RBPMS: variants seen among roughly 807,000 people sequenced by gnomAD.
RBPMS encodes the protein RNA binding protein, mRNA processing factor.
A neutral mutation model predicts 26.8 loss-of-function variants in RBPMS; 7 were observed. The observed-to-expected ratio is 0.26, with a 90% CI of 0.15 to 0.49. The LOEUF is 0.49. Ranked by LOEUF, RBPMS falls within the 20% of genes least tolerant of loss-of-function variation. RBPMS has a pLI of 0.98. For missense variants in RBPMS, 186 were observed against 250.0 expected (o/e 0.74, Z 1.73); for synonymous variants, 96 against 93.3 (o/e 1.03, Z -0.17).
Position 30,385,052 on chromosome 8 carries a change from C to A in RBPMS, c.-41C>A. The A allele has an allele frequency of 6.8e-7, 1 of 1,462,998 alleles. No individual in the cohort carries two copies. The highest frequency in any genetic ancestry group is 9.1e-7 in the Non-Finnish European group (1 of 1,099,582). The allele number at this position is 1,462,998 out of a possible 1,614,324, so 90.6% of individuals were successfully genotyped here. ...GCTAGCGCGCCCTCGCCCAGCCCCG[C>A]GCCCCAGCCCTGCCCGGCCCGGCGA... is the stretch of plus-strand genomic sequence containing the variant. On this transcript the variant is annotated 5_prime_UTR_variant, in exon 1 of 9. Transcript: ENST00000397323.
intron 4 of RBPMS, among the ~76,000 whole-genome samples, chr8:30,500,694 G>A (rs1192848564): frequency 2.0e-5 from 3 of 152,082 alleles, no homozygotes; most frequent in Non-Finnish European, 4.4e-5. Context: ...TCTCTATATA[G>A]GCTCAAGGTT....
intron 1 of RBPMS, among the ~76,000 whole-genome samples, chr8:30,445,649 G>GATAGATATATAT (rs1813650088): frequency 9.3e-6 from 1 of 107,368 alleles, no homozygotes; most frequent in African/African-American, 3.9e-5. Context: ...TATACACACG[G>GATAGATATATAT]ATATATATAT....
intron 6 of RBPMS, chr8:30,555,928 C>G (rs946259849): frequency 1.0e-6 from 1 of 984,188 alleles, no homozygotes; most frequent in African/African-American, 1.7e-5. Context: ...GGCCGGCTGC[C>G]CGAACTCTGC....
intron 5 of RBPMS, among the ~76,000 whole-genome samples, chr8:30,542,692 G>A: frequency 6.6e-6 from 1 of 152,208 alleles, no homozygotes; most frequent in East Asian, 1.9e-4. Flanking sequence ...ATAATAGTTT[G>A]GCATTCCTGA....
rs367995845 is a variant in RBPMS at position 30,440,502 on chromosome 8, C to T, written c.67-34277C>T. 2.5e-3 allele frequency among the ~76,000 whole-genome samples: 388 copies of T among 152,302 alleles called. 3 individuals carry two copies. The highest frequency in any genetic ancestry group is 9.3e-3 in the African/African-American group (385 of 41,570). ...TAATGTACTCAAAATTCATCCATGT[C>T]GTAGCGTGTGCCAGAATTTCCTTCC... On this transcript the variant is annotated intron_variant, in intron 1 of 8. Coordinates refer to ENST00000397323, the MANE Select transcript of RBPMS (RefSeq NM_001008710.3).
intron 5 of RBPMS, among the ~76,000 whole-genome samples, chr8:30,519,194 G>A (rs1027074316): frequency 2.6e-5 from 4 of 151,970 alleles, no homozygotes; most frequent in African/African-American, 9.7e-5. Context: ...TGCTTGGAGG[G>A]TATGTGTCTA....
rs1453680925 is a variant in RBPMS at position 30,504,378 on chromosome 8, T to A, written c.339T>A (p.Thr113=). The A allele has an allele frequency of 6.2e-7, 1 of 1,614,206 alleles. No individual in the cohort carries two copies. Among genetic ancestry groups the A allele is most frequent in the Admixed American group, 1.7e-5 (1 of 60,024 alleles). ...TKMAKNKLVG[T]PNPSTPLPNT... is the part of the protein sequence containing the mutation. ...TGGCCAAGAACAAACTCGTAGGGAC[T>A]CCAAACCCCAGTACTCCTCTGCCCA... is the stretch of plus-strand genomic sequence containing the variant. Residue 113 remains threonine (T), a synonymous_variant, in exon 5 of 9, where the codon ACT becomes ACA. Transcript: ENST00000397323.
At chr8:30,440,281 G>C (rs548942024) in intron 1 of RBPMS, among the ~76,000 whole-genome samples, 1 of 151,930 alleles carries the variant, frequency 6.6e-6, no homozygotes, top group African/African-American at 2.4e-5. Flanking sequence ...TCACATTGTT[G>C]CTCCACAACT....
At chr8:30,496,832 A>G (rs1820016067) in intron 4 of RBPMS, among the ~76,000 whole-genome samples, 1 of 152,202 alleles carries the variant, frequency 6.6e-6, no homozygotes, top group African/African-American at 2.4e-5. Context: ...TAGATTACCC[A>G]GATGCGGGTT....
intron 6 of RBPMS, chr8:30,547,394 G>A: frequency 1.9e-6 from 3 of 1,607,876 alleles, no homozygotes; most frequent in Non-Finnish European, 2.5e-6. Flanking sequence ...CCAACCTACT[G>A]CAGACCAGCA....
chr8:30,472,454 T>TTGGTGGTGATAGATTGTCTTGGTTGTGA (rs1185421996), intron 1 of RBPMS, among the ~76,000 whole-genome samples: 5 of 152,122 alleles, frequency 3.3e-5, no homozygotes, highest in Admixed American at 2.0e-4. Context: ...GAATAAACTT[T>TTGGTGGTGATAGATTGTCTTGGTTGTGA]TGGTGGTGAT....
intron 5 of RBPMS, among the ~76,000 whole-genome samples, chr8:30,534,007 G>A (rs1824537583): frequency 6.6e-6 from 1 of 152,156 alleles, no homozygotes; most frequent in Middle Eastern, 3.4e-3. Flanking sequence ...GGTGGTGGGC[G>A]CCTGTAATCC....
intron 6 of RBPMS, chr8:30,544,838 C>T (rs1825739194): frequency 6.5e-7 from 1 of 1,528,882 alleles, no homozygotes; most frequent in Non-Finnish European, 8.8e-7. Context: ...ATGTTTGCCC[C>T]AAATGACACC....
At chr8:30,415,107 C>G (rs956107441) in intron 1 of RBPMS, among the ~76,000 whole-genome samples, 4 of 152,122 alleles carry the variant, frequency 2.6e-5, no homozygotes, top group African/African-American at 9.7e-5. Context: ...AGTAAATGAT[C>G]CCCTTATCCC....
intron 5 of RBPMS, among the ~76,000 whole-genome samples, chr8:30,511,109 G>C (rs2150954309): frequency 1.3e-5 from 2 of 151,442 alleles, no homozygotes; most frequent in Middle Eastern, 6.9e-3. Flanking sequence ...GAGGTCAGGA[G>C]TTTGAGACCA....
chr8:30,545,280 AACAAACTTCCT>A, intron 6 of RBPMS: 2 of 1,206,466 alleles, frequency 1.7e-6, no homozygotes, highest in Non-Finnish European at 2.1e-6. Context: ...GATTTTTATA[AACAAACTTCCT>A]GTTTCTCCGC....
In RBPMS at chr8:30,544,483, T is replaced by C. The variant is rs200557927; in HGVS notation, c.398-11T>C. ...GTAACCACTAACTCTCGCCTTATTC[T>C]TTTCTTGCAGATGAGCTCACAGTGC... On this transcript the variant is annotated splice_polypyrimidine_tract_variant and intron_variant, in intron 5 of 8. Coordinates refer to ENST00000397323, the MANE Select transcript of RBPMS (RefSeq NM_001008710.3). The C allele has an allele frequency of 2.1e-4, 338 of 1,612,632 alleles. No individual in the cohort carries two copies. Among genetic ancestry groups the C allele is most frequent in the Non-Finnish European group, 2.7e-4 (315 of 1,178,776 alleles).
rs146865930 is a variant in RBPMS at position 30,425,146 on chromosome 8, A to T, written c.66+39988A>T. ...AATTTTCTGTAGTTTTTGTAGCGAC[A>T]AAGTCTCACTATGTTGCCCAGGCTG... On this transcript the variant is annotated intron_variant, in intron 1 of 8. Coordinates refer to ENST00000397323, the MANE Select transcript of RBPMS (RefSeq NM_001008710.3). Among the ~76,000 whole-genome samples the T allele has an allele frequency of 8.3e-3, 1,261 of 152,004 alleles. 14 individuals are homozygous for T. The highest frequency in any genetic ancestry group is 0.029 in the African/African-American group (1,196 of 41,474).
intron 5 of RBPMS, among the ~76,000 whole-genome samples, chr8:30,522,002 TAATAAC>T (rs1823099200): frequency 1.3e-5 from 2 of 152,232 alleles, no homozygotes; most frequent in Admixed American, 6.5e-5. Flanking sequence ...TGACTGTAGT[TAATAAC>T]AATGTATTGT....
Sources: gnomAD v4.1 joint callset for allele counts (sites outside exome capture counted in the v4.1 genomes callset) on GRCh38, gnomAD v4.1.1 for gene constraint, MANE v1.5 for transcripts, NCBI Gene and HGNC (gene_info 2026-07-23, HGNC 2026-07-21) for gene names.